Variants in PLXNA4 observed in about 807,000 individuals in gnomAD.
PLXNA4 encodes the protein plexin-A4.
A neutral mutation model predicts 191.8 loss-of-function variants in PLXNA4; 44 were observed. The ratio of observed to expected loss-of-function variants is 0.23; its 90% confidence interval spans 0.18 to 0.29. The LOEUF is 0.29. Among genes scored for constraint, PLXNA4 ranks in the 10% least tolerant of loss-of-function variants. The pLI is 1.00. For synonymous variants in PLXNA4, 1,082 were observed against 1,009.5 expected, an observed-to-expected ratio of 1.07 and a Z score of -1.36; for missense variants, 1,800 against 2,488.8, an observed-to-expected ratio of 0.72 and a Z score of 5.89.
intron 2 of PLXNA4, among the ~76,000 whole-genome samples, chr7:132,507,210 C>A (rs1232886369): frequency 6.6e-6 from 1 of 152,192 alleles, no homozygotes; most frequent in Admixed American, 6.5e-5. Flanking sequence ...CCATTTGACA[C>A]AATTCCTACC....
At chr7:132,156,609 C>T (rs989837304) in intron 25 of PLXNA4, among the ~76,000 whole-genome samples, 9 of 152,182 alleles carry the variant, frequency 5.9e-5, no homozygotes, top group African/African-American at 1.4e-4. Context: ...GGGAGAAAGT[C>T]GGGGGGCATG....
intron 1 of PLXNA4, among the ~76,000 whole-genome samples, chr7:132,515,819 T>G (rs2116323338): frequency 6.6e-6 from 1 of 152,336 alleles, no homozygotes; most frequent in South Asian, 2.1e-4. Context: ...AAGATGCCCC[T>G]ACTATATATT....
chr7:132,146,870 C>T (rs764551800), intron 27 of PLXNA4, among the ~76,000 whole-genome samples, 170 bp from the exon 28 acceptor site: 4 of 152,328 alleles, frequency 2.6e-5, no homozygotes, highest in Non-Finnish European at 4.4e-5. Flanking sequence ...AACTGGGATG[C>T]CTTTCTCACC....
intron 5 of PLXNA4, among the ~76,000 whole-genome samples, chr7:132,238,706 G>C (rs917260529): frequency 3.3e-5 from 5 of 152,210 alleles, no homozygotes; most frequent in Admixed American, 6.5e-5. Flanking sequence ...GGAGGATCTA[G>C]CAGGAGTACC....
At chr7:132,563,130 C>T (rs368199664) in intron 1 of PLXNA4, among the ~76,000 whole-genome samples, 2 of 103,310 alleles carry the variant, frequency 1.9e-5, no homozygotes, top group Admixed American at 8.8e-5. Context: ...CCTTCTCCTC[C>T]TCCTCCTTCT....
intron 2 of PLXNA4, among the ~76,000 whole-genome samples, chr7:132,636,259 T>C (rs559359297): frequency 6.6e-6 from 1 of 152,024 alleles, no homozygotes; most frequent in African/African-American, 2.4e-5. Flanking sequence ...CTTCTGGGAG[T>C]GCAGGGGCCT....
chr7:132,410,838 C>G (rs1337880691), intron 3 of PLXNA4, among the ~76,000 whole-genome samples: 1 of 152,210 alleles, frequency 6.6e-6, no homozygotes, highest in Non-Finnish European at 1.5e-5. Context: ...ACCCACCCAT[C>G]TGTCCATTCC....
At chr7:132,603,811 C>T (rs573096686) in intron 2 of PLXNA4, among the ~76,000 whole-genome samples, 34 of 152,272 alleles carry the variant, frequency 2.2e-4, no homozygotes, top group Admixed American at 1.9e-3. Context: ...ATTTTAAAAA[C>T]TGTATCACAC....
intron 4 of PLXNA4, among the ~76,000 whole-genome samples, chr7:132,273,469 T>A (rs1800154655): frequency 6.6e-6 from 1 of 152,216 alleles, no homozygotes; most frequent in Non-Finnish European, 1.5e-5. Flanking sequence ...TATGTACTGC[T>A]CAACTTTTCT....
intron 4 of PLXNA4, among the ~76,000 whole-genome samples, chr7:132,274,336 A>T (rs1800191660): frequency 6.6e-6 from 1 of 152,000 alleles, no homozygotes; most frequent in Non-Finnish European, 1.5e-5. Context: ...TTGGACTTAC[A>T]AAAAAGTTAC....
chr7:132,259,885 A>G (rs934982551), intron 4 of PLXNA4, among the ~76,000 whole-genome samples: 15 of 152,236 alleles, frequency 9.9e-5, no homozygotes, highest in African/African-American at 2.4e-4. Flanking sequence ...AAAAGCCTAC[A>G]TTGTGTGATT....
intron 3 of PLXNA4, among the ~76,000 whole-genome samples, chr7:132,392,937 G>C (rs960307087): frequency 1.3e-5 from 2 of 152,112 alleles, no homozygotes; most frequent in Non-Finnish European, 2.9e-5. Flanking sequence ...GAGCACCCAG[G>C]CCCTGCAGCA....
intron 3 of PLXNA4, among the ~76,000 whole-genome samples, chr7:132,363,770 C>T (rs1363295651): frequency 2.0e-5 from 3 of 152,218 alleles, no homozygotes; most frequent in East Asian, 3.9e-4. Context: ...CATCATACTG[C>T]CACCATCTGT....
chr7:132,163,283 G>A (rs116169731), intron 24 of PLXNA4, among the ~76,000 whole-genome samples: 1,555 of 152,320 alleles, frequency 0.01, 19 homozygotes, highest in African/African-American at 0.035. Context: ...AGAGGCAAGC[G>A]GGGCCTGCGT....
intron 4 of PLXNA4, among the ~76,000 whole-genome samples, chr7:132,272,284 T>C (rs1268764558): frequency 6.6e-6 from 1 of 152,244 alleles, no homozygotes; most frequent in Non-Finnish European, 1.5e-5. Flanking sequence ...AATCAGGACA[T>C]TAATTTTGAT....
At chr7:132,597,782 C>CA (rs1181333464) in intron 2 of PLXNA4, among the ~76,000 whole-genome samples, 5 of 151,964 alleles carry the variant, frequency 3.3e-5, no homozygotes, top group African/African-American at 7.2e-5. Flanking sequence ...TCATATGCTT[C>CA]ATTCTGTTCC....
intron 1 of PLXNA4, among the ~76,000 whole-genome samples, chr7:132,563,575 T>A (rs1158411910): frequency 2.4e-5 from 3 of 122,690 alleles, no homozygotes; most frequent in Non-Finnish European, 5.2e-5. Flanking sequence ...CTCTTCATCC[T>A]CCTCCTCCTT....
At chr7:132,348,526 C>T (rs750753088) in intron 3 of PLXNA4, among the ~76,000 whole-genome samples, 6 of 152,210 alleles carry the variant, frequency 3.9e-5, no homozygotes, top group Non-Finnish European at 5.9e-5. Context: ...GAAAGATCAC[C>T]GTATTTGTAC....
intron 1 of PLXNA4, among the ~76,000 whole-genome samples, chr7:132,531,345 AC>A (rs1799609809): frequency 6.6e-6 from 1 of 152,242 alleles, no homozygotes; most frequent in African/African-American, 2.4e-5. Context: ...TTAATTAATA[AC>A]AAGGAAAAGG....
Sources: allele counts gnomAD v4.1 joint callset (sites outside exome capture counted in the v4.1 genomes callset), GRCh38; gene constraint gnomAD v4.1.1; transcripts MANE v1.5; gene names NCBI Gene and HGNC (gene_info 2026-07-23, HGNC 2026-07-21).